Variants in P4HA1 observed in about 807,000 individuals in gnomAD.
P4HA1 encodes the protein prolyl 4-hydroxylase subunit alpha-1.
P4HA1 carries 24 observed loss-of-function variants against 72.8 expected under a neutral mutation model. The observed-to-expected ratio is 0.33, with a 90% CI of 0.24 to 0.46. The LOEUF is 0.46. Among genes scored for constraint, P4HA1 ranks in the 20% least tolerant of loss-of-function variants. P4HA1 has a pLI of 1.00. For synonymous variants in P4HA1, 201 were observed against 218.8 expected (o/e 0.92, Z 0.72); for missense variants, 446 against 640.6 (o/e 0.70, Z 3.28).
In P4HA1 at chr10:73,095,563, CGCT is replaced by C. The variant is rs200872072; in HGVS notation, c.-33+1200_-33+1202del. Among the ~76,000 whole-genome samples, 597 of 150,564 alleles carry C rather than the reference CGCT, an allele frequency of 4.0e-3. 2 individuals carry two copies. The highest frequency in any genetic ancestry group is 0.014 in the African/African-American group (557 of 41,020). ...AAAGAGTAAAAAATTGATGAAAGAA[CGCT>C]GCTGCCACGTCTTTGCCCCTCCCCC... On this transcript the variant is annotated intron_variant, in intron 1 of 14. Transcript: ENST00000394890.
chr10:73,038,318 T>C (rs1235563931), intron 9 of P4HA1, among the ~76,000 whole-genome samples: 3 of 152,172 alleles, frequency 2.0e-5, no homozygotes, highest in Non-Finnish European at 4.4e-5. Flanking sequence ...TATATCATGT[T>C]ACATTCATGA....
chr10:73,068,798 A>C, intron 5 of P4HA1, 48 bp downstream of exon 5: 2 of 1,498,656 alleles, frequency 1.3e-6, no homozygotes, highest in African/African-American at 1.4e-5. Flanking sequence ...TGGACTCAAC[A>C]GAGAAGCTAG....
At chr10:73,072,269 A>C (rs1841581664) in intron 3 of P4HA1, 89 bp from the exon 4 acceptor site, 1 of 1,041,024 alleles carries the variant, frequency 9.6e-7, no homozygotes, top group Non-Finnish European at 1.4e-6. Context: ...AATGACTAGA[A>C]GTTTTTGAGT....
At chr10:73,072,702 T>A (rs1841593018) in intron 3 of P4HA1, among the ~76,000 whole-genome samples, 1 of 152,176 alleles carries the variant, frequency 6.6e-6, no homozygotes, top group African/African-American at 2.4e-5. Context: ...CAATTAAAAA[T>A]AAATTCATAT....
chr10:73,031,368 C>A (rs1294812504), intron 9 of P4HA1, among the ~76,000 whole-genome samples: 1 of 152,132 alleles, frequency 6.6e-6, no homozygotes, highest in Non-Finnish European at 1.5e-5. Flanking sequence ...ACCTGTAATT[C>A]CAGCTACTCT....
chr10:73,037,553 ATATATATATATATATATATT>A lies in P4HA1; in HGVS notation c.1149-7203_1149-7184del, dbSNP rs1252895228. Among the ~76,000 whole-genome samples the A allele has an allele frequency of 3.6e-3, 115 of 32,196 alleles. 3 individuals are homozygous for A. The highest frequency in any genetic ancestry group is 6.3e-3 in the African/African-American group (50 of 7,972). 21.1% of individuals were successfully genotyped at this position (32,196 alleles called of 152,430 possible). A position where few individuals can be genotyped will look rare whatever the true frequency, so the allele number is the denominator to read the frequency against. Reference sequence around the variant, plus strand: ...TATATATATATATATATATATATATATATATATATATATATATATTTTTTTTTTTTTTTTTTTACAAAGGC... The same window carrying A: ...TATATATATATATATATATATATATATTTTTTTTTTTTTTTTTACAAAGGC... On this transcript the variant is annotated intron_variant, in intron 9 of 14. Transcript: ENST00000394890.
At chr10:73,010,640 G>A (rs1839893928) in intron 13 of P4HA1, among the ~76,000 whole-genome samples, 3 of 152,110 alleles carry the variant, frequency 2.0e-5, no homozygotes, top group African/African-American at 7.2e-5. Context: ...AAGCTGAGGT[G>A]GGAGGATCAC....
chr10:73,072,200 A>G lies in P4HA1; in HGVS notation c.174-20T>C. 6.3e-7 allele frequency: 1 copy of G among 1,583,876 alleles called. No individual in the cohort carries two copies. Among genetic ancestry groups the G allele is most frequent in the Non-Finnish European group, 8.6e-7 (1 of 1,160,412 alleles). ...GCCCATCTACAGATGTAAAACATAA[A>G]AACTGAATATTTATATTTCATAGGG... On this transcript the variant is annotated intron_variant, in intron 3 of 14. Coordinates refer to ENST00000394890, the MANE Select transcript of P4HA1 (RefSeq NM_001017962.3).
intron 5 of P4HA1, among the ~76,000 whole-genome samples, chr10:73,059,600 G>A (rs1254010335): frequency 3.3e-5 from 5 of 150,874 alleles, no homozygotes; most frequent in African/African-American, 9.7e-5. Context: ...AAAATTAGCC[G>A]GGCATGGTGG....
chr10:73,074,701 C>CTA, intron 2 of P4HA1, 107 bp downstream of exon 2: 1 of 670,418 alleles, frequency 1.5e-6, no homozygotes, highest in Non-Finnish European at 2.7e-6. Context: ...GGGAATAAAC[C>CTA]TATACTCTAG....
chr10:73,087,686 T>C (rs7095904), intron 1 of P4HA1, among the ~76,000 whole-genome samples: 30,657 of 151,944 alleles, frequency 0.2, 5,586 homozygotes, highest in African/African-American at 0.47. Flanking sequence ...GATGGGGTCT[T>C]GCTATGTTGC....
chr10:73,076,646 G>C (rs1369248558), intron 1 of P4HA1, among the ~76,000 whole-genome samples: 3 of 152,002 alleles, frequency 2.0e-5, no homozygotes, highest in African/African-American at 7.2e-5. Context: ...CAACAGAAAG[G>C]CTTTACCTCA....
intron 9 of P4HA1, among the ~76,000 whole-genome samples, chr10:73,036,568 T>G (rs1007719611): frequency 1.7e-4 from 26 of 152,082 alleles, no homozygotes; most frequent in African/African-American, 6.0e-4. Flanking sequence ...GGCTAATTTT[T>G]GTATTTTTTT....
chr10:73,008,216 T>G lies in P4HA1; in HGVS notation c.*6A>C. The G allele has an allele frequency of 6.3e-7, 1 of 1,586,120 alleles. No homozygotes were observed. The highest frequency in any genetic ancestry group is 8.7e-7 in the Non-Finnish European group (1 of 1,155,058). On this transcript the variant is annotated 3_prime_UTR_variant, in exon 15 of 15. Transcript: ENST00000394890. ...CAACAATAGGAGAAAAAGGGAAGCC[T>G]GTTTGTCATTCCAATTCTGACAACG...
intron 5 of P4HA1, among the ~76,000 whole-genome samples, chr10:73,061,221 G>A (rs893892071): frequency 2.6e-5 from 4 of 152,142 alleles, no homozygotes; most frequent in African/African-American, 4.8e-5. Context: ...GTTGGTTCAC[G>A]CAGTTCAAAA....
intron 1 of P4HA1, among the ~76,000 whole-genome samples, chr10:73,081,387 T>C (rs1023216987): frequency 2.0e-5 from 3 of 152,174 alleles, no homozygotes; most frequent in African/African-American, 4.8e-5. Flanking sequence ...TCAAAAGTGT[T>C]TATTATATAA....
intron 9 of P4HA1, among the ~76,000 whole-genome samples, chr10:73,037,475 T>C (rs1463347001): frequency 2.9e-5 from 4 of 137,160 alleles, no homozygotes; most frequent in African/African-American, 1.1e-4. Flanking sequence ...TACCTTCTTC[T>C]AACCCGACAC....
intron 11 of P4HA1, among the ~76,000 whole-genome samples, chr10:73,016,004 T>C (rs1840001237): frequency 6.6e-6 from 1 of 152,162 alleles, no homozygotes; most frequent in Non-Finnish European, 1.5e-5. Flanking sequence ...AAAGAATCTC[T>C]CCTTGACCCA....
At chr10:73,062,729 T>C (rs1564632251) in intron 5 of P4HA1, among the ~76,000 whole-genome samples, 1 of 152,166 alleles carries the variant, frequency 6.6e-6, no homozygotes, top group Non-Finnish European at 1.5e-5. Context: ...GGTGGTCACA[T>C]ATGTTTTTAA....
Sources: allele counts gnomAD v4.1 joint callset (sites outside exome capture counted in the v4.1 genomes callset), GRCh38; gene constraint gnomAD v4.1.1; transcripts MANE v1.5; gene names NCBI Gene and HGNC (gene_info 2026-07-23, HGNC 2026-07-21).